The following SLC25A35 variants were observed in gnomAD, a reference collection of about 807,000 sequenced individuals.
The protein encoded by SLC25A35 is solute carrier family 25, member 35.
SLC25A35 carries 32 observed loss-of-function variants against 30.5 expected under a neutral mutation model. That is an observed-to-expected ratio of 1.05 (90% CI 0.79 to 1.41). The LOEUF is 1.41. SLC25A35 is among the 40% of genes most tolerant of loss of function. SLC25A35 has a pLI of 0.00. For synonymous variants in SLC25A35, 142 were observed against 158.1 expected, an observed-to-expected ratio of 0.90 and a Z score of 0.77; for missense variants, 369 against 388.0, an observed-to-expected ratio of 0.95 and a Z score of 0.41.
At chr17:8,288,409 A>C, downstream of SLC25A35, 1 of 336,582 alleles carries the variant, frequency 3.0e-6, no homozygotes, top group Non-Finnish European at 5.8e-6. Flanking sequence ...CCACTGCATT[A>C]CAGCCTGGGC....
chr17:8,291,306 CAG>C, intron 3 of SLC25A35, 25 bp downstream of exon 3: 1 of 1,611,896 alleles, frequency 6.2e-7, no homozygotes, highest in Non-Finnish European at 8.5e-7. Context: ...CTTCCCGAAA[CAG>C]ACCCACCCAT....
chr17:8,290,777 C>A (rs1284862945), intron 4 of SLC25A35, 65 bp downstream of exon 4: 1 of 1,604,184 alleles, frequency 6.2e-7, no homozygotes, highest in Admixed American at 1.7e-5. Context: ...GGCTATCCCA[C>A]CTGCACCCGC....
At chr17:8,289,990 AG>A, downstream of SLC25A35, 2 of 1,610,644 alleles carry the variant, frequency 1.2e-6, no homozygotes, top group Non-Finnish European at 8.5e-7. Flanking sequence ...CGGTTCTGTG[AG>A]GGGGAAAAGA....
chr17:8,288,714 A>C, downstream of SLC25A35: 1 of 1,537,758 alleles, frequency 6.5e-7, no homozygotes, highest in Non-Finnish European at 9.0e-7. Context: ...TGCGAAACCC[A>C]GGGAGCCGAT....
chr17:8,294,726 G>A lies in SLC25A35; in HGVS notation c.82C>T (p.Gln28Ter). ...GGGGCCTGCAGTTCTCCTTGCAACT[G>A]CATCCTGGTCTTCACCACCTCCAGG... ...NPLEVVKTRM[Q>*]LQGELQAPGT... Residue 28 changes from glutamine to a stop codon, truncating the protein, a stop_gained, in exon 1 of 5, where the codon CAG (glutamine) becomes TAG (stop). Transcript: ENST00000577745. LOFTEE classifies it high-confidence loss of function. 1 of 1,614,130 alleles carries A rather than the reference G, an allele frequency of 6.2e-7. No homozygotes were observed. Among genetic ancestry groups the A allele is most frequent in the South Asian group, 1.1e-5 (1 of 91,070 alleles).
chr17:8,288,938 T>A, downstream of SLC25A35: 1 of 1,614,050 alleles, frequency 6.2e-7, no homozygotes, highest in Non-Finnish European at 8.5e-7. Context: ...AACCAGGGTC[T>A]GCCTCGCCTC....
rs751572055 is a variant in SLC25A35 at position 8,290,933 on chromosome 17, A to G, written c.638T>C (p.Met213Thr). The G allele has an allele frequency of 1.2e-6, 2 of 1,614,076 alleles. No homozygotes were observed. Residue 213 changes from methionine to threonine, a missense_variant, in exon 4 of 5, where the codon ATG (methionine) becomes ACG (threonine). Transcript: ENST00000577745. Reference protein sequence around the residue: ...QSWKLALVAAMMSGIAVVLAM... With the variant: ...QSWKLALVAATMSGIAVVLAM... ...CAAGACAACTGCAATGCCACTCATC[A>G]TGGCAGCCACCAGCGCCAACTTCCA...
At chr17:8,293,552 C>CTT (rs3033783) in intron 1 of SLC25A35, among the ~76,000 whole-genome samples, 34 of 129,168 alleles carry the variant, frequency 2.6e-4, no homozygotes, top group African/African-American at 8.7e-4. Flanking sequence ...TCTTTCTTTT[C>CTT]TTTTTTTTTT....
At chr17:8,292,051 G>T (rs1044492611) in intron 2 of SLC25A35, among the ~76,000 whole-genome samples, 1 of 152,174 alleles carries the variant, frequency 6.6e-6, no homozygotes, top group South Asian at 2.1e-4. Flanking sequence ...ACGTGGTGGC[G>T]CATGGCTGTA....
At chr17:8,289,794 T>A (rs1567657790), downstream of SLC25A35, 1 of 1,613,646 alleles carries the variant, frequency 6.2e-7, no homozygotes, top group Admixed American at 1.7e-5. Context: ...TCTGTCTCCA[T>A]CTGTTCCCCC....
Position 8,291,460 on chromosome 17 carries a change from ATC to A in SLC25A35, c.465_466del (p.Glu155AspfsTer72). ...CCCCACCAGACCATGTTTCTGGCCA[ATC>A]TCGGTTAGCGCCTGAAACATGCCCT... On this transcript the variant is annotated frameshift_variant, in exon 3 of 5. Coordinates refer to ENST00000577745, the MANE Select transcript of SLC25A35 (RefSeq NM_001320870.2). LOFTEE classifies it high-confidence loss of function. 1 of 1,614,104 alleles carries A rather than the reference ATC, an allele frequency of 6.2e-7. No homozygotes were observed. The highest frequency in any genetic ancestry group is 8.5e-7 in the Non-Finnish European group (1 of 1,179,990).
chr17:8,294,303 G>T (rs766928025), intron 1 of SLC25A35, 130 bp downstream of exon 1: 71 of 944,832 alleles, frequency 7.5e-5, no homozygotes, highest in Non-Finnish European at 1.0e-4. Flanking sequence ...AAGCCTACCA[G>T]CACTTTCCTG....
chr17:8,289,535 G>A (rs1376123849), downstream of SLC25A35: 1 of 1,614,172 alleles, frequency 6.2e-7, no homozygotes, highest in Non-Finnish European at 8.5e-7. Flanking sequence ...ATCAGGCCTT[G>A]CTGAGGCTGC....
In SLC25A35 at chr17:8,294,481, C is replaced by A. The variant is rs1275349970; in HGVS notation, c.327G>T (p.Gly109=). 6.2e-7 allele frequency: 1 copy of A among 1,608,774 alleles called. No individual in the cohort carries two copies. The highest frequency in any genetic ancestry group is 1.1e-5 in the South Asian group (1 of 90,788). Residue 109 remains glycine (G), a synonymous_variant, in exon 1 of 5, where the codon GGG becomes GGT. Transcript: ENST00000577745. ...THSPARSAAA[G]AMAGVMGAYL... ...AGGCTCCCATGACCCCAGCCATGGC[C>A]CCAGCTGCTGCGCTGCGGGCAGGAC...
In SLC25A35 at chr17:8,294,801, A is replaced by G. The variant is rs1990757327; in HGVS notation, c.7T>C (p.Phe3Leu). The change falls in exon 1 of 5, where the codon TTC (phenylalanine) becomes CTC (leucine). Residue 3 changes from phenylalanine to leucine, a missense_variant. Phe to Leu is a conservative substitution (Grantham distance 22). Transcript: ENST00000577745. ...CAGGCTGCCAGGCCACTCATCAAGA[A>G]GTCCATGGTGGGATAGCTGTAGCAG... MD[F>L]LMSGLAACGA... The G allele has an allele frequency of 6.3e-7, 1 of 1,577,738 alleles. No individual in the cohort carries two copies. The highest frequency in any genetic ancestry group is 8.6e-7 in the Non-Finnish European group (1 of 1,159,392).
chr17:8,289,298 G>GC (rs1567656738), downstream of SLC25A35: 1 of 1,614,042 alleles, frequency 6.2e-7, no homozygotes. Context: ...GGGGGCTAGG[G>GC]CTGTCCATGT....
At chr17:8,289,538 G>A (rs2151610308), downstream of SLC25A35, 1 of 1,614,174 alleles carries the variant, frequency 6.2e-7, no homozygotes, top group Non-Finnish European at 8.5e-7. Context: ...AGGCCTTGCT[G>A]AGGCTGCCCC....
intron 3 of SLC25A35, 78 bp from the exon 4 acceptor site, chr17:8,291,054 GAC>G (rs1490187161): frequency 3.8e-6 from 6 of 1,565,026 alleles, no homozygotes; most frequent in Non-Finnish European, 3.5e-6. Context: ...CTGCCCTGGG[GAC>G]ACAGATGCTG....
chr17:8,290,535 C>A lies in SLC25A35; in HGVS notation c.873G>T (p.Leu291=), dbSNP rs1313322938. The part of the protein sequence containing the change: ...TILSLFFWDQ[L]RSLYYTDTK ...TAGTGTCTGTGTAGTAGAGGGAGCG[C>A]AGCTGGTCCCAGAAGAAGAGGGAGA... Residue 291 remains leucine, a synonymous_variant, in exon 5 of 5, where the codon CTG becomes CTT. Coordinates refer to ENST00000577745, the MANE Select transcript of SLC25A35 (RefSeq NM_001320870.2). 6.5e-7 allele frequency: 1 copy of A among 1,536,022 alleles called. No homozygotes were observed. The highest frequency in any genetic ancestry group is 2.4e-5 in the East Asian group (1 of 40,910).
Sources: gnomAD v4.1 joint callset for allele counts (sites outside exome capture counted in the v4.1 genomes callset) on GRCh38, gnomAD v4.1.1 for gene constraint, MANE v1.5 for transcripts, NCBI Gene and HGNC (gene_info 2026-07-23, HGNC 2026-07-21) for gene names.